TRANK1: variants seen among roughly 807,000 people sequenced by gnomAD.
TRANK1 encodes tetratricopeptide repeat and ankyrin repeat containing 1.
In TRANK1, 198 loss-of-function variants were observed where a neutral mutation model predicts 266.0. The observed-to-expected ratio is 0.74, with a 90% CI of 0.66 to 0.84. The LOEUF is 0.84. TRANK1 is among the 40% of genes least tolerant of loss of function. The pLI is 0.00. For missense variants in TRANK1, 3,326 were observed against 3,634.6 expected (o/e 0.92, Z 2.18); for synonymous variants, 1,396 against 1,384.1 (o/e 1.01, Z -0.19).
In TRANK1 at chr3:36,831,149, C is replaced by T. The variant is rs1485025530; in HGVS notation, c.8434G>A (p.Glu2812Lys). 6.2e-7 allele frequency: 1 copy of T among 1,614,042 alleles called. No individual in the cohort carries two copies. Among genetic ancestry groups the T allele is most frequent in the Non-Finnish European group, 8.5e-7 (1 of 1,179,904 alleles). Residue 2812 changes from glutamate to lysine, a missense_variant, in exon 22 of 24, where the codon GAG (glutamate) becomes AAG (lysine). By Grantham distance (56) the Glu-to-Lys change is moderately conservative. Coordinates refer to ENST00000645898, the MANE Select transcript of TRANK1 (RefSeq NM_001329998.2). This position sits in a 1 kb window ranked among gnomAD's most constrained non-coding sequence, Gnocchi z 5.0. ...TGCTCGTAAGACTCGCTGTTCCTCT[C>T]CTGACACTCCTCCCTTTCCAGCTCA... Reference protein sequence around the residue: ...RAELEREECQERNSESYEQHI... With the variant: ...RAELEREECQKRNSESYEQHI...
chr3:36,876,865 C>G (rs537117007), intron 8 of TRANK1, among the ~76,000 whole-genome samples: 1 of 152,246 alleles, frequency 6.6e-6, no homozygotes, highest in African/African-American at 2.4e-5. Flanking sequence ...ATGTAATGAT[C>G]CAACCTCACT....
rs770050789 is a variant in TRANK1, at chr3:36,857,645, T to C, written c.2077A>G (p.Thr693Ala). ...GSFKSVPCGA[T>A]ARTLPEGSAV... The stretch of plus-strand genomic sequence containing the variant: ...CTTCCTTCAGGCAGTGTTCTGGCAG[T>C]GGCACCACATGGCACTGACTTGAAT... Residue 693 changes from threonine (T) to alanine (A), a missense_variant, in exon 13 of 24, where the codon ACT becomes GCT. By Grantham distance (58) the Thr-to-Ala change is moderately conservative (BLOSUM62 0). Transcript: ENST00000645898. This position sits in a 1 kb window ranked among gnomAD's most constrained non-coding sequence, Gnocchi z 4.3. The C allele has an allele frequency of 1.9e-6, 3 of 1,614,010 alleles. No individual in the cohort carries two copies. The highest frequency in any genetic ancestry group is 2.5e-6 in the Non-Finnish European group (3 of 1,179,890).
At chr3:36,847,639 T>C (rs2078933604) in intron 15 of TRANK1, among the ~76,000 whole-genome samples, 1 of 152,180 alleles carries the variant, frequency 6.6e-6, no homozygotes, top group Non-Finnish European at 1.5e-5. Context: ...TTATTCTCAT[T>C]GAAAGAATTT....
chr3:36,914,709 C>T (rs904473454), intron 1 of TRANK1, among the ~76,000 whole-genome samples: 1 of 151,954 alleles, frequency 6.6e-6, no homozygotes, highest in African/African-American at 2.4e-5. Context: ...GCGATCTCGG[C>T]TCACTGCAAC....
intron 1 of TRANK1, 151 bp from the exon 2 acceptor site, chr3:36,908,605 A>G: frequency 8.1e-7 from 1 of 1,230,124 alleles, no homozygotes; most frequent in Non-Finnish European, 1.0e-6. Context: ...TCTCACCACC[A>G]GGAAACCAGG....
intron 12 of TRANK1, 104 bp from the exon 13 acceptor site, chr3:36,858,153 C>T (rs1575213633): frequency 4.3e-6 from 4 of 937,746 alleles, no homozygotes; most frequent in East Asian, 5.3e-5. Context: ...TCTCAGAATG[C>T]TGAACTCCCC....
chr3:36,915,473 T>C (rs773686013), intron 1 of TRANK1, among the ~76,000 whole-genome samples: 2 of 152,202 alleles, frequency 1.3e-5, no homozygotes, highest in Non-Finnish European at 2.9e-5. Context: ...AAGAACTGTT[T>C]TTAATTTTCA....
rs765758053 is a variant in TRANK1, at chr3:36,857,312, C to A, written c.2410G>T (p.Asp804Tyr). The change falls in exon 13 of 24, where the codon GAT (aspartate) becomes TAT (tyrosine). Residue 804 changes from aspartate to tyrosine, a missense_variant. Asp to Tyr is a radical substitution (Grantham distance 160, BLOSUM62 -3). Coordinates refer to ENST00000645898, the MANE Select transcript of TRANK1 (RefSeq NM_001329998.2). This position sits in a 1 kb window ranked among gnomAD's most constrained non-coding sequence, Gnocchi z 4.3. ...GLGALQLVPDDNRGKEGNDDQ... is the reference protein window; with the variant it reads ...GLGALQLVPDYNRGKEGNDDQ... ...TCATTGCCCTCCTTCCCCCTGTTAT[C>A]ATCAGGCACAAGCTGCAAGGCCCCA... 1.5e-5 allele frequency: 24 copies of A among 1,608,818 alleles called. No homozygotes were observed. In the East Asian group the frequency reaches 4.5e-4, roughly 30 times the overall value.
intron 8 of TRANK1, among the ~76,000 whole-genome samples, chr3:36,887,774 G>A (rs2079628357): frequency 1.3e-5 from 2 of 152,204 alleles, no homozygotes; most frequent in African/African-American, 4.8e-5. Context: ...CTTCTGTCTT[G>A]AAGAGCTAGT....
At chr3:36,937,697 T>C (rs1028485177) in intron 1 of TRANK1, among the ~76,000 whole-genome samples, 9 of 152,216 alleles carry the variant, frequency 5.9e-5, no homozygotes, top group East Asian at 1.9e-4. Context: ...AGATTACTCA[T>C]AAATCTTGAC....
intron 20 of TRANK1, among the ~76,000 whole-genome samples, chr3:36,835,295 G>A (rs1309384713): frequency 1.5e-5 from 2 of 133,698 alleles, no homozygotes; most frequent in Non-Finnish European, 3.1e-5. Flanking sequence ...CTCCAGCCTG[G>A]GCGACAGAGC....
chr3:36,865,214 G>A (rs1450474592), intron 9 of TRANK1, among the ~76,000 whole-genome samples: 1 of 151,778 alleles, frequency 6.6e-6, no homozygotes, highest in Non-Finnish European at 1.5e-5. Context: ...TTTTAGTAGA[G>A]ACGGGGTTTC....
rs1025519741 is a variant in TRANK1 at position 36,875,341 on chromosome 3, A to G, written c.908-1045T>C. 2.6e-5 allele frequency among the ~76,000 whole-genome samples: 4 copies of G among 152,248 alleles called. No individual in the cohort carries two copies. The East Asian group carries it at 7.7e-4, about 29-fold the overall frequency. On this transcript the variant is annotated intron_variant, in intron 8 of 23. Transcript: ENST00000645898. The stretch of plus-strand genomic sequence containing the variant: ...TCTCCTCTGCTGGTTTTGAAGATAC[A>G]AGAGGCAGGACAAGGAATGTGTGTG...
chr3:36,908,266 G>A, intron 2 of TRANK1, 57 bp downstream of exon 2: 2 of 1,231,062 alleles, frequency 1.6e-6, no homozygotes, highest in East Asian at 6.3e-5. Flanking sequence ...GAAATCATAA[G>A]GAACAGAGTC....
intron 1 of TRANK1, among the ~76,000 whole-genome samples, chr3:36,928,938 A>G (rs2080324653): frequency 6.6e-6 from 1 of 152,188 alleles, no homozygotes. Flanking sequence ...ATGTTTAAAG[A>G]AATTAATGAA....
intron 3 of TRANK1, among the ~76,000 whole-genome samples, chr3:36,899,953 G>A (rs1244989539): frequency 6.6e-6 from 1 of 152,152 alleles, no homozygotes; most frequent in Non-Finnish European, 1.5e-5. Flanking sequence ...TCTAACTCCT[G>A]GGCTCAAACT....
intron 17 of TRANK1, among the ~76,000 whole-genome samples, chr3:36,843,411 A>G (rs148274980): frequency 7.6e-4 from 116 of 152,324 alleles, no homozygotes; most frequent in African/African-American, 2.7e-3. Flanking sequence ...AGCAAGAAAA[A>G]AAAGGTGACA....
intron 15 of TRANK1, chr3:36,850,596 A>G (rs918686476): frequency 5.1e-6 from 4 of 779,340 alleles, no homozygotes; most frequent in African/African-American, 3.8e-5. Flanking sequence ...CAGCAAGACC[A>G]TATCTCTATA....
rs767026412 is a variant in TRANK1 at position 36,857,119 on chromosome 3, T to C, written c.2603A>G (p.Asn868Ser). The part of the protein sequence containing the change: ...KIILAIQQLG[N>S]GEWTQGLQKR... ...CTGCAGGCCCTGGGTCCACTCGCCA[T>C]TTCCCAGCTGCTGAATGGCAAGGAT... Residue 868 changes from asparagine (N) to serine (S), a missense_variant, in exon 13 of 24, where the codon AAT becomes AGT. Asn to Ser is a conservative substitution (Grantham distance 46). Transcript: ENST00000645898. The surrounding 1 kb of genome is among the most constrained non-coding windows in gnomAD (Gnocchi z 4.3). 5 of 1,614,048 alleles carry C rather than the reference T, an allele frequency of 3.1e-6. No individual in the cohort carries two copies. Among genetic ancestry groups the C allele is most frequent in the East Asian group, 2.2e-5 (1 of 44,890 alleles).
Sources: allele counts gnomAD v4.1 joint callset (sites outside exome capture counted in the v4.1 genomes callset), GRCh38; gene constraint gnomAD v4.1.1; non-coding constraint Gnocchi (gnomAD v3.1); transcripts MANE v1.5; gene names NCBI Gene and HGNC (gene_info 2026-07-23, HGNC 2026-07-21).